NUMB: variants seen among roughly 807,000 people sequenced by gnomAD.
NUMB encodes NUMB endocytic adaptor protein, also known as protein numb homolog.
In NUMB, 29 loss-of-function variants were observed where a neutral mutation model predicts 59.7. The ratio of observed to expected loss-of-function variants is 0.49; its 90% CI spans 0.36 to 0.66. The LOEUF is 0.66. Among genes scored for constraint, NUMB ranks in the 30% least tolerant of loss-of-function variants. The pLI, the probability that NUMB is intolerant of heterozygous loss-of-function variation, is 0.00. For missense variants in NUMB, 723 were observed against 822.0 expected, an observed-to-expected ratio of 0.88 and a Z score of 1.47; for synonymous variants, 288 against 288.2, an observed-to-expected ratio of 1.00 and a Z score of 0.01.
In NUMB at chr14:73,276,488, T is replaced by G; in HGVS notation, c.*90A>C. 1.0e-6 allele frequency: 1 copy of G among 966,060 alleles called. No individual in the cohort carries two copies. Among genetic ancestry groups the G allele is most frequent in the Non-Finnish European group, 1.6e-6 (1 of 642,760 alleles). The allele number at this position is 966,060 out of a possible 1,614,324, so 59.8% of individuals were successfully genotyped here. On this transcript the variant is annotated 3_prime_UTR_variant, in exon 13 of 13. Transcript: ENST00000555238. ...CCTTTGGGATTAGTGAAAAGAGTAC[T>G]AATCAGGAGACAAAGTCTGTTTTGC... is the stretch of plus-strand genomic sequence containing the variant.
At chr14:73,423,140 G>C (rs1052846255) in intron 1 of NUMB, among the ~76,000 whole-genome samples, 1 of 151,992 alleles carries the variant, frequency 6.6e-6, no homozygotes, top group African/African-American at 2.4e-5. Flanking sequence ...AAACTAAACT[G>C]CTTTACAAAT....
intron 1 of NUMB, among the ~76,000 whole-genome samples, chr14:73,418,515 T>C (rs1400172368): frequency 2.6e-5 from 4 of 152,220 alleles, no homozygotes; most frequent in African/African-American, 7.2e-5. Flanking sequence ...CTCACACCTG[T>C]AATCCCAGCG....
At position 73,345,677 on chromosome 14, in the gene NUMB, G is replaced by A. The variant is rs529348036; in HGVS notation, c.126+9949C>T. On this transcript the variant is annotated intron_variant, in intron 4 of 12. Transcript: ENST00000555238. ...TGTAATCCCAGCACTTTGGGAGGCC[G>A]AGGGTGGATCATCTGAGGTCAGGAG... is the stretch of plus-strand genomic sequence containing the variant. 7.9e-5 allele frequency among the ~76,000 whole-genome samples: 12 copies of A among 152,154 alleles called. No individual in the cohort carries two copies. In the South Asian group the frequency reaches 1.9e-3, roughly 24 times the overall value.
At chr14:73,391,168 C>T (rs1895834196) in intron 2 of NUMB, among the ~76,000 whole-genome samples, 1 of 152,010 alleles carries the variant, frequency 6.6e-6, no homozygotes, top group Non-Finnish European at 1.5e-5. Flanking sequence ...GGGGATACAA[C>T]ACTATGACCT....
In NUMB at chr14:73,398,415, AGTGTGTGT is replaced by A. The variant is rs57407662; in HGVS notation, c.-101+11514_-101+11521del. Among the ~76,000 whole-genome samples, 118 of 118,872 alleles carry A rather than the reference AGTGTGTGT, an allele frequency of 9.9e-4. 1 individual carries two copies. Among genetic ancestry groups the A allele is most frequent in the Middle Eastern group, 4.0e-3 (1 of 252 alleles). 78.0% of individuals were successfully genotyped at this position (118,872 alleles called of 152,430 possible). Reference sequence around the variant, plus strand: ...CACAGAGAGAGAGAGAGAGAGAGAGAGTGTGTGTGTGTGTGTGTGTGTGTGTGTGTGTG... The same window carrying A: ...CACAGAGAGAGAGAGAGAGAGAGAGAGTGTGTGTGTGTGTGTGTGTGTGTG... On this transcript the variant is annotated intron_variant, in intron 2 of 12. Transcript: ENST00000555238.
intron 2 of NUMB, among the ~76,000 whole-genome samples, chr14:73,393,056 A>C (rs1242422960): frequency 6.6e-6 from 1 of 152,220 alleles, no homozygotes; most frequent in Non-Finnish European, 1.5e-5. Flanking sequence ...GGAAATTATC[A>C]AGAGGGAACT....
chr14:73,298,396 G>C (rs935198623), intron 6 of NUMB: 3 of 152,158 alleles, frequency 2.0e-5, no homozygotes, highest in Non-Finnish European at 2.9e-5. Context: ...AATTCATGGA[G>C]ACATTTTGGG....
intron 2 of NUMB, among the ~76,000 whole-genome samples, chr14:73,405,441 T>C (rs1357118706): frequency 1.4e-4 from 12 of 88,684 alleles, no homozygotes; most frequent in Non-Finnish European, 1.9e-4. Context: ...TTCTCTTTTT[T>C]TTTTTTTTTT....
At chr14:73,328,790 G>A (rs759544048) in intron 4 of NUMB, among the ~76,000 whole-genome samples, 2 of 152,154 alleles carry the variant, frequency 1.3e-5, no homozygotes, top group Non-Finnish European at 2.9e-5. Context: ...GGTTTAGAGA[G>A]TTAATAATAC....
At chr14:73,401,495 T>A (rs1896411764) in intron 2 of NUMB, among the ~76,000 whole-genome samples, 1 of 151,780 alleles carries the variant, frequency 6.6e-6, no homozygotes, top group Admixed American at 6.6e-5. Context: ...TCTGGAAGGT[T>A]CATGTCAAAG....
At chr14:73,398,417 T>A (rs7144303) in intron 2 of NUMB, among the ~76,000 whole-genome samples, 8,206 of 55,896 alleles carry the variant, frequency 0.15, 327 homozygotes, top group African/African-American at 0.34. Context: ...AGAGAGAGAG[T>A]GTGTGTGTGT....
chr14:73,314,429 A>G (rs1420411543), intron 6 of NUMB, among the ~76,000 whole-genome samples: 2 of 147,458 alleles, frequency 1.4e-5, no homozygotes, highest in Non-Finnish European at 3.0e-5. Context: ...TATACCATAC[A>G]AATTCATCAT....
intron 2 of NUMB, among the ~76,000 whole-genome samples, chr14:73,373,996 G>A (rs1225150779): frequency 6.6e-6 from 1 of 151,946 alleles, no homozygotes; most frequent in Non-Finnish European, 1.5e-5. Context: ...AGCTTCCCTA[G>A]TAGCTGGGAT....
At chr14:73,331,245 A>T (rs1192257764) in intron 4 of NUMB, among the ~76,000 whole-genome samples, 1 of 152,118 alleles carries the variant, frequency 6.6e-6, no homozygotes, top group Non-Finnish European at 1.5e-5. Context: ...TGCATTCTGG[A>T]TTATGAAATT....
rs529605714 is a variant in NUMB at position 73,364,402 on chromosome 14, G to A, written c.-16+2495C>T. Among the ~76,000 whole-genome samples the A allele has an allele frequency of 9.9e-5, 15 of 152,220 alleles. No individual in the cohort carries two copies. The South Asian group carries it at 3.1e-3, about 32-fold the overall frequency. On this transcript the variant is annotated intron_variant, in intron 3 of 12. Transcript: ENST00000555238. ...GCTTATAGTCCCAGCTACTCAGGAG[G>A]TTGAGGTGGGAAGATCACTTGAACC...
intron 6 of NUMB, among the ~76,000 whole-genome samples, chr14:73,305,406 T>C (rs1180937402): frequency 6.6e-6 from 1 of 152,192 alleles, no homozygotes; most frequent in Non-Finnish European, 1.5e-5. Flanking sequence ...TTTTCTTTTT[T>C]TTTTCTGACA....
intron 6 of NUMB, among the ~76,000 whole-genome samples, chr14:73,313,122 G>A (rs1167438975): frequency 2.0e-5 from 3 of 151,808 alleles, no homozygotes; most frequent in Non-Finnish European, 2.9e-5. Context: ...GAGTAGCTGG[G>A]ACTACAGGTG....
In NUMB at chr14:73,307,975, C is replaced by T. The variant is rs1029440461; in HGVS notation, c.234+8415G>A. On this transcript the variant is annotated intron_variant, in intron 6 of 12. Coordinates refer to ENST00000555238, the MANE Select transcript of NUMB (RefSeq NM_001005743.2). ...GTCTCCATCTCCTGACCTCGTGATC[C>T]GCCCGCCTCGTCCTCCCAACGTGCT... Among the ~76,000 whole-genome samples the T allele has an allele frequency of 7.0e-4, 106 of 152,042 alleles. 1 individual carries two copies. Among genetic ancestry groups the T allele is most frequent in the African/African-American group, 2.4e-3 (100 of 41,446 alleles).
intron 1 of NUMB, among the ~76,000 whole-genome samples, chr14:73,438,458 C>T (rs1337603444): frequency 6.6e-6 from 1 of 151,816 alleles, no homozygotes; most frequent in African/African-American, 2.4e-5. Flanking sequence ...TGGCGAAACC[C>T]CGTCTCTACT....
Sources: gnomAD v4.1 joint callset for allele counts (sites outside exome capture counted in the v4.1 genomes callset) on GRCh38, gnomAD v4.1.1 for gene constraint, MANE v1.5 for transcripts, NCBI Gene and HGNC (gene_info 2026-07-23, HGNC 2026-07-21) for gene names.